The following FBXL7 variants were observed in gnomAD, a reference collection of about 807,000 sequenced individuals.
FBXL7 encodes F-box/LRR-repeat protein 7.
FBXL7 carries 12 observed loss-of-function variants against 38.3 expected under a neutral mutation model. That is an observed-to-expected ratio of 0.31 (90% CI 0.20 to 0.51). FBXL7 has a LOEUF of 0.51. Among genes scored for constraint, FBXL7 ranks in the 20% least tolerant of loss-of-function variants. The pLI, the probability that FBXL7 is intolerant of heterozygous loss-of-function variation, is 0.98. For missense variants in FBXL7, 567 were observed against 676.4 expected, an observed-to-expected ratio of 0.84 and a Z score of 1.79; for synonymous variants, 297 against 300.9, an observed-to-expected ratio of 0.99 and a Z score of 0.13.
At chr5:15,773,373 G>A (rs1736779230) in intron 2 of FBXL7, among the ~76,000 whole-genome samples, 1 of 152,138 alleles carries the variant, frequency 6.6e-6, no homozygotes, top group Non-Finnish European at 1.5e-5. Context: ...GCCAGGTGTT[G>A]TGGCTCATGC....
intron 2 of FBXL7, among the ~76,000 whole-genome samples, chr5:15,768,509 C>T (rs1238482642): frequency 4.7e-5 from 7 of 148,684 alleles, no homozygotes; most frequent in African/African-American, 1.2e-4. Context: ...CTAGCCTGGG[C>T]GACGGAGCGA....
chr5:15,927,685 G>T (rs1044041600), intron 2 of FBXL7, among the ~76,000 whole-genome samples: 1 of 144,670 alleles, frequency 6.9e-6, no homozygotes, highest in Non-Finnish European at 1.5e-5. Flanking sequence ...TGAGTCAGGA[G>T]AATCGCTTGA....
intron 1 of FBXL7, among the ~76,000 whole-genome samples, chr5:15,571,451 C>T (rs1738778670): frequency 6.6e-6 from 1 of 152,140 alleles, no homozygotes; most frequent in Admixed American, 6.5e-5. Flanking sequence ...TTAAGATAGT[C>T]AGGTGGAAAT....
intron 2 of FBXL7, among the ~76,000 whole-genome samples, chr5:15,638,631 G>C (rs1307298906): frequency 6.6e-6 from 1 of 152,000 alleles, no homozygotes; most frequent in Non-Finnish European, 1.5e-5. Context: ...GAGCGGGTAG[G>C]TAGGGTGGGG....
intron 1 of FBXL7, among the ~76,000 whole-genome samples, chr5:15,517,817 A>G (rs539801442): frequency 2.0e-5 from 3 of 152,040 alleles, no homozygotes; most frequent in Non-Finnish European, 4.4e-5. Flanking sequence ...CTGATTTGTG[A>G]ATTTGGGAGA....
At chr5:15,632,179 T>TG (rs1480119172) in intron 2 of FBXL7, among the ~76,000 whole-genome samples, 1 of 152,192 alleles carries the variant, frequency 6.6e-6, no homozygotes, top group Non-Finnish European at 1.5e-5. Flanking sequence ...AATCATCAAA[T>TG]GGGGATATAA....
intron 2 of FBXL7, among the ~76,000 whole-genome samples, chr5:15,813,125 T>C (rs1737913423): frequency 6.6e-6 from 1 of 152,188 alleles, no homozygotes; most frequent in Non-Finnish European, 1.5e-5. Flanking sequence ...CTTTATTTCT[T>C]TCTCTTGCCT....
At chr5:15,906,179 T>C (rs1229110972) in intron 2 of FBXL7, among the ~76,000 whole-genome samples, 1 of 152,170 alleles carries the variant, frequency 6.6e-6, no homozygotes, top group Non-Finnish European at 1.5e-5. Context: ...GGCATTTTTT[T>C]TTAATGATAT....
chr5:15,938,730 G>A lies in FBXL7; in HGVS notation c.*1544G>A, dbSNP rs1206493252. 2.9e-6 allele frequency: 1 copy of A among 342,998 alleles called. No homozygotes were observed. The highest frequency in any genetic ancestry group is 5.2e-6 in the Non-Finnish European group (1 of 191,998). The allele number at this position is 342,998 out of a possible 1,614,324, so 21.2% of individuals were successfully genotyped here. On this transcript the variant is annotated 3_prime_UTR_variant, in exon 4 of 4. Transcript: ENST00000504595. ...AATACTAAAATCATTACAAGGTATGGATTTTAAATGGATGAAACTTCAAAT... is the reference window on the plus strand; with the variant it reads ...AATACTAAAATCATTACAAGGTATGAATTTTAAATGGATGAAACTTCAAAT...
At chr5:15,670,376 G>A (rs1742425862) in intron 2 of FBXL7, among the ~76,000 whole-genome samples, 1 of 152,160 alleles carries the variant, frequency 6.6e-6, no homozygotes, top group South Asian at 2.1e-4. Flanking sequence ...ATTTGTGTTT[G>A]TGCTTGGCAT....
chr5:15,506,501 T>C (rs772985560), intron 1 of FBXL7, among the ~76,000 whole-genome samples: 1 of 152,166 alleles, frequency 6.6e-6, no homozygotes, highest in Non-Finnish European at 1.5e-5. Context: ...AAGGGGGACT[T>C]CTGTACAGTT....
intron 2 of FBXL7, among the ~76,000 whole-genome samples, chr5:15,635,903 C>T (rs1741173845): frequency 7.1e-6 from 1 of 141,000 alleles, no homozygotes; most frequent in Non-Finnish European, 1.5e-5. Flanking sequence ...GGTTCTGACC[C>T]ATTTTTAGCC....
intron 2 of FBXL7, among the ~76,000 whole-genome samples, chr5:15,683,051 G>T (rs897684902): frequency 6.6e-6 from 1 of 152,190 alleles, no homozygotes; most frequent in Admixed American, 6.5e-5. Context: ...CATAGAATAA[G>T]AGAGGGAGAT....
At chr5:15,756,121 A>C (rs753217708) in intron 2 of FBXL7, among the ~76,000 whole-genome samples, 8 of 152,228 alleles carry the variant, frequency 5.3e-5, no homozygotes, top group Non-Finnish European at 1.0e-4. Flanking sequence ...AGTTCAATCT[A>C]GTTACTGATT....
chr5:15,803,065 T>C (rs956077359), intron 2 of FBXL7, among the ~76,000 whole-genome samples: 8 of 152,192 alleles, frequency 5.3e-5, no homozygotes, highest in African/African-American at 9.7e-5. Context: ...ACAGGCACCA[T>C]CTAGTTATTT....
chr5:15,645,632 A>G (rs1428760112), intron 2 of FBXL7, among the ~76,000 whole-genome samples: 1 of 152,214 alleles, frequency 6.6e-6, no homozygotes, highest in African/African-American at 2.4e-5. Flanking sequence ...CAACCTAGGC[A>G]AAATAAACTT....
intron 1 of FBXL7, among the ~76,000 whole-genome samples, chr5:15,560,557 G>T (rs1393412696): frequency 6.6e-6 from 1 of 152,078 alleles, no homozygotes; most frequent in African/African-American, 2.4e-5. Context: ...GCAACTTCCC[G>T]ACCAGATAAT....
chr5:15,580,278 C>T (rs1215497060), intron 1 of FBXL7, among the ~76,000 whole-genome samples: 1 of 152,132 alleles, frequency 6.6e-6, no homozygotes, highest in Non-Finnish European at 1.5e-5. Context: ...AACTTCCAAC[C>T]TCCAGCACTA....
At chr5:15,918,591 A>T (rs1741660807) in intron 2 of FBXL7, among the ~76,000 whole-genome samples, 1 of 152,262 alleles carries the variant, frequency 6.6e-6, no homozygotes, top group African/African-American at 2.4e-5. Context: ...AGTTCGGATC[A>T]GACTCAAAAA....
Sources: allele counts gnomAD v4.1 joint callset (sites outside exome capture counted in the v4.1 genomes callset), GRCh38; gene constraint gnomAD v4.1.1; transcripts MANE v1.5; gene names NCBI Gene and HGNC (gene_info 2026-07-23, HGNC 2026-07-21).